The following ZNF843 variants were observed in gnomAD, a reference collection of about 807,000 sequenced individuals.
ZNF843 encodes the protein zinc finger protein 843.
For synonymous variants in ZNF843, 185 were observed against 207.7 expected (o/e 0.89, Z 0.94); for missense variants, 482 against 469.4 (o/e 1.03, Z -0.25).
In ZNF843 at chr16:31,436,551, C is replaced by T. The variant is rs1403548440; in HGVS notation, c.299G>A (p.Gly100Asp). 1 of 1,549,802 alleles carries T rather than the reference C, an allele frequency of 6.5e-7. No homozygotes were observed. The highest frequency in any genetic ancestry group is 8.7e-7 in the Non-Finnish European group (1 of 1,145,724). ...SSAGVRQGFSGQLCCWLTKEH... is the reference protein window; with the variant it reads ...SSAGVRQGFSDQLCCWLTKEH... ...CTTGGTGAGCCAGCAGCAGAGCTGG[C>T]CGCTAAACCCTTGCCGCACTCCCGC... The change falls in exon 2 of 2, where the codon GGC becomes GAC. Residue 100 changes from glycine to aspartate, a missense_variant. By Grantham distance (94) the Gly-to-Asp change is moderately conservative. Coordinates refer to ENST00000315678, the MANE Select transcript of ZNF843 (RefSeq NM_001136509.3).
chr16:31,438,804 C>T (rs2082192120), intron 1 of ZNF843, among the ~76,000 whole-genome samples: 1 of 152,082 alleles, frequency 6.6e-6, no homozygotes, highest in South Asian at 2.1e-4. Flanking sequence ...AGCTCAAAAA[C>T]AGTGGAACTT....
chr16:31,436,159 G>T lies in ZNF843; in HGVS notation c.691C>A (p.Pro231Thr). 6.5e-7 allele frequency: 1 copy of T among 1,543,236 alleles called. No individual in the cohort carries two copies. Residue 231 changes from proline to threonine, a missense_variant, in exon 2 of 2, where the codon CCT becomes ACT. Coordinates refer to ENST00000315678, the MANE Select transcript of ZNF843 (RefSeq NM_001136509.3). Reference sequence around the variant, plus strand: ...GCGGGAAGGCCGGATGGAACCAGAGGCTGGAGACTGAGTGGGGGGCCAGGA... The same window carrying T: ...GCGGGAAGGCCGGATGGAACCAGAGTCTGGAGACTGAGTGGGGGGCCAGGA... Reference protein sequence around the residue: ...LYPGPPLSLQPLVPSGLPAVP... With the variant: ...LYPGPPLSLQTLVPSGLPAVP...
At chr16:31,441,724 C>T (rs1293374086) in intron 1 of ZNF843, among the ~76,000 whole-genome samples, 4 of 152,060 alleles carry the variant, frequency 2.6e-5, no homozygotes, top group East Asian at 1.9e-4. Flanking sequence ...TGGGCTCAAG[C>T]GATCCTCCCG....
At chr16:31,442,296 C>G (rs1281112641) in intron 1 of ZNF843, among the ~76,000 whole-genome samples, 1 of 143,004 alleles carries the variant, frequency 7.0e-6, no homozygotes, top group South Asian at 2.2e-4. Flanking sequence ...CGGCCCTTCG[C>G]TCGATTTTAT....
chr16:31,437,297 C>CTTTTTTTTTTTTTTTTTTTTTTTTTTT (rs59710664), intron 1 of ZNF843, 113 bp from the exon 2 acceptor site: 1 of 82,028 alleles, frequency 1.2e-5, no homozygotes, highest in African/African-American at 5.0e-5. Context: ...TTCTTTCCTT[C>CTTTTTTTTTTTTTTTTTTTTTTTTTTT]TTTTTTTTTT....
At chr16:31,437,294 CT>C (rs995808424) in intron 1 of ZNF843, 110 bp from the exon 2 acceptor site, 4 of 132,092 alleles carry the variant, frequency 3.0e-5, no homozygotes, top group African/African-American at 1.2e-4. Flanking sequence ...TTTTTCTTTC[CT>C]TCTTTTTTTT....
intron 1 of ZNF843, among the ~76,000 whole-genome samples, chr16:31,441,186 A>C (rs2082200077): frequency 6.6e-6 from 1 of 152,198 alleles, no homozygotes; most frequent in African/African-American, 2.4e-5. Context: ...ACTCACAGGG[A>C]TAAAGGGTTG....
intron 1 of ZNF843, among the ~76,000 whole-genome samples, chr16:31,437,882 T>C (rs1262933781): frequency 6.6e-6 from 1 of 151,562 alleles, no homozygotes; most frequent in East Asian, 2.0e-4. Flanking sequence ...CACCTTAGCC[T>C]CCCAAAGTGC....
chr16:31,438,950 AT>A (rs1015755133), intron 1 of ZNF843, among the ~76,000 whole-genome samples: 1 of 137,860 alleles, frequency 7.3e-6, no homozygotes, highest in Non-Finnish European at 1.5e-5. Flanking sequence ...GAATTGAACA[AT>A]GAGAACACAT....
chr16:31,435,865 C>T lies in ZNF843; in HGVS notation c.985G>A (p.Ala329Thr). ...PPPSNPHWRGALPVFPVWKAS... is the reference protein window; with the variant it reads ...PPPSNPHWRGTLPVFPVWKAS... ...TTCCACACCGGAAACACTGGTAGGG[C>T]TCCTCTCCAGTGTGGGTTCGAGGGC... Residue 329 changes from alanine to threonine, a missense_variant, in exon 2 of 2, where the codon GCC (alanine) becomes ACC (threonine). Ala to Thr is a moderately conservative substitution (Grantham distance 58). Transcript: ENST00000315678. The T allele has an allele frequency of 6.6e-7, 1 of 1,516,398 alleles. No individual in the cohort carries two copies. The highest frequency in any genetic ancestry group is 8.8e-7 in the Non-Finnish European group (1 of 1,130,642). The allele number at this position is 1,516,398 out of a possible 1,614,324, so 93.9% of individuals were successfully genotyped here.
Position 31,437,047 on chromosome 16 carries a change from A to G in ZNF843, c.-198T>C, listed in dbSNP as rs780577679. 2 of 581,790 alleles carry G rather than the reference A, an allele frequency of 3.4e-6. No homozygotes were observed. The highest frequency in any genetic ancestry group is 6.9e-5 in the Admixed American group (2 of 29,180). 36.0% of individuals were successfully genotyped at this position (581,790 alleles called of 1,614,324 possible). On this transcript the variant is annotated 5_prime_UTR_variant, in exon 2 of 2. Transcript: ENST00000315678. ...TAAGACGCTGGGCAATGTCATCTGA[A>G]GGTGTTTCTTGAGGCTCTCGGGCAT... is the stretch of plus-strand genomic sequence containing the variant.
intron 1 of ZNF843, among the ~76,000 whole-genome samples, chr16:31,438,072 C>A (rs1054673531): frequency 7.9e-5 from 12 of 152,158 alleles, no homozygotes; most frequent in African/African-American, 2.7e-4. Flanking sequence ...AATCCTAGCA[C>A]TTTGGGAGGC....
chr16:31,435,730 G>T lies in ZNF843; in HGVS notation c.*73C>A. ...CCTGAGCGGGTCTGTGTGGAGGGAG[G>T]GGACTGCATCTCAGATCCACAGTCC... On this transcript the variant is annotated 3_prime_UTR_variant, in exon 2 of 2. Coordinates refer to ENST00000315678, the MANE Select transcript of ZNF843 (RefSeq NM_001136509.3). 2 of 1,374,986 alleles carry T rather than the reference G, an allele frequency of 1.5e-6. No individual in the cohort carries two copies. Among genetic ancestry groups the T allele is most frequent in the African/African-American group, 1.5e-5 (1 of 67,532 alleles). 85.2% of individuals were successfully genotyped at this position (1,374,986 alleles called of 1,614,324 possible). A position where few individuals can be genotyped will look rare whatever the true frequency, so the allele number is the denominator to read the frequency against.
Position 31,436,132 on chromosome 16 carries a change from C to T in ZNF843, c.718G>A (p.Val240Met), listed in dbSNP as rs768967872. 6 of 1,549,408 alleles carry T rather than the reference C, an allele frequency of 3.9e-6. No individual in the cohort carries two copies. The highest frequency in any genetic ancestry group is 2.0e-5 in the Admixed American group (1 of 50,652). Reference sequence around the variant, plus strand: ...AGGCCTCCCAGAGGCACTGCAGGCACTGCGGGAAGGCCGGATGGAACCAGA... The same window carrying T: ...AGGCCTCCCAGAGGCACTGCAGGCATTGCGGGAAGGCCGGATGGAACCAGA... ...QPLVPSGLPAVPAVPLGGLEV... is the reference protein window; with the variant it reads ...QPLVPSGLPAMPAVPLGGLEV... The change falls in exon 2 of 2, where the codon GTG becomes ATG. Residue 240 changes from valine (V) to methionine (M), a missense_variant. Coordinates refer to ENST00000315678, the MANE Select transcript of ZNF843 (RefSeq NM_001136509.3).
intron 1 of ZNF843, among the ~76,000 whole-genome samples, chr16:31,440,378 G>A (rs11643752): frequency 0.33 from 50,367 of 152,134 alleles, 10,092 homozygotes; most frequent in Middle Eastern, 0.54. Context: ...CATAATCATA[G>A]TTTAGACACA....
chr16:31,436,974 C>A lies in ZNF843; in HGVS notation c.-125G>T. 1 of 909,250 alleles carries A rather than the reference C, an allele frequency of 1.1e-6. No individual in the cohort carries two copies. 56.3% of individuals were successfully genotyped at this position (909,250 alleles called of 1,614,324 possible). A position where few individuals can be genotyped will look rare whatever the true frequency, so the allele number is the denominator to read the frequency against. On this transcript the variant is annotated 5_prime_UTR_variant, in exon 2 of 2. Coordinates refer to ENST00000315678, the MANE Select transcript of ZNF843 (RefSeq NM_001136509.3). The stretch of plus-strand genomic sequence containing the variant: ...TGGCCACGAGCTCACAGTCTGGGAG[C>A]AGCACCCGGCCCCAGGCCTCGGGGG...
chr16:31,436,274 G>A lies in ZNF843; in HGVS notation c.576C>T (p.Ser192=). The stretch of plus-strand genomic sequence containing the variant: ...TCCCACAGGGCCGGAGCCCAGAGGT[G>A]CTGTCCGGGGCGACTGAGCTGGGTG... ...SLAPSSVAPD[S]TSGLRPCGSP... is the part of the protein sequence containing the mutation. The change falls in exon 2 of 2, where the codon AGC becomes AGT. Residue 192 remains serine, a synonymous_variant. Transcript: ENST00000315678. The A allele has an allele frequency of 6.5e-7, 1 of 1,548,734 alleles. No homozygotes were observed. Among genetic ancestry groups the A allele is most frequent in the Non-Finnish European group, 8.7e-7 (1 of 1,145,438 alleles).
intron 1 of ZNF843, among the ~76,000 whole-genome samples, 175 bp from the exon 2 acceptor site, chr16:31,437,359 A>G (rs1413348498): frequency 7.7e-6 from 1 of 130,296 alleles, no homozygotes; most frequent in Non-Finnish European, 1.5e-5. Context: ...GCTGGAATGC[A>G]GTAGTACGAT....
In ZNF843 at chr16:31,436,287, A is replaced by G; in HGVS notation, c.563T>C (p.Val188Ala). ...GAGCCCAGAGGTGCTGTCCGGGGCG[A>G]CTGAGCTGGGTGCGAGGCTGACGCT... Reference protein sequence around the residue: ...VESVSLAPSSVAPDSTSGLRP... With the variant: ...VESVSLAPSSAAPDSTSGLRP... The change falls in exon 2 of 2, where the codon GTC becomes GCC. Residue 188 changes from valine (V) to alanine (A), a missense_variant. Coordinates refer to ENST00000315678, the MANE Select transcript of ZNF843 (RefSeq NM_001136509.3). The G allele has an allele frequency of 1.3e-6, 2 of 1,549,360 alleles. No individual in the cohort carries two copies. The highest frequency in any genetic ancestry group is 1.2e-5 in the South Asian group (1 of 83,650).
Sources: gnomAD v4.1 joint callset for allele counts (sites outside exome capture counted in the v4.1 genomes callset) on GRCh38, gnomAD v4.1.1 for gene constraint, MANE v1.5 for transcripts, NCBI Gene and HGNC (gene_info 2026-07-23, HGNC 2026-07-21) for gene names.